EDA: variants seen among roughly 807,000 people sequenced by gnomAD.
EDA encodes ectodysplasin-A.
Under a neutral mutation model 23.6 loss-of-function variants are expected in EDA, and 2 were observed. The observed-to-expected ratio is 0.08, with a 90% CI of 0.03 to 0.27. EDA has a LOEUF of 0.27. Among genes scored for constraint, EDA ranks in the 10% least tolerant of loss-of-function variants. The pLI, the probability that EDA is intolerant of heterozygous loss-of-function variation, is 1.00. For missense variants in EDA, 229 were observed against 324.2 expected (o/e 0.71, Z 2.26); for synonymous variants, 131 against 132.0 (o/e 0.99, Z 0.05).
intron 1 of EDA, among the ~76,000 whole-genome samples, chrX:69,954,207 T>C (rs1294750215): frequency 9.0e-6 from 1 of 111,715 alleles, no homozygotes; most frequent in Non-Finnish European, 1.9e-5. Context: ...CTACCACTTA[T>C]TCTAAGCTAC....
chrX:69,935,755 T>C (rs2018663974), intron 1 of EDA, among the ~76,000 whole-genome samples: 1 of 110,158 alleles, frequency 9.1e-6, no homozygotes, highest in Non-Finnish European at 1.9e-5. Flanking sequence ...CTACACATGC[T>C]CTGGTCTGGT....
chrX:69,809,319 G>A (rs1001356766), intron 1 of EDA, among the ~76,000 whole-genome samples: 1 of 111,178 alleles, frequency 9.0e-6, no homozygotes, highest in Non-Finnish European at 1.9e-5. Flanking sequence ...GGCAGAAGGC[G>A]AAAGGGGAAG....
At chrX:69,767,419 A>G (rs2014501074) in intron 1 of EDA, among the ~76,000 whole-genome samples, 1 of 110,462 alleles carries the variant, frequency 9.1e-6, no homozygotes, top group East Asian at 2.8e-4. Context: ...TTTTTTTTCA[A>G]TACAGATTAG....
chrX:69,937,423 T>C, intron 1 of EDA: 1 of 750,634 alleles, frequency 1.3e-6, no homozygotes, highest in Middle Eastern at 2.8e-4. Context: ...CAGCTCTTCA[T>C]GAGGTACTTC....
intron 2 of EDA, among the ~76,000 whole-genome samples, chrX:69,974,982 G>A (rs1466924869): frequency 8.9e-6 from 1 of 112,103 alleles, no homozygotes; most frequent in Admixed American, 9.5e-5. Flanking sequence ...TAGTGAGGTT[G>A]TGGAGAAAAT....
chrX:69,847,543 T>C (rs1407340758), intron 1 of EDA, among the ~76,000 whole-genome samples: 1 of 111,724 alleles, frequency 9.0e-6, no homozygotes, highest in Non-Finnish European at 1.9e-5. Context: ...TATATGTAAG[T>C]GCATATATAC....
At chrX:69,619,673 G>A (rs1012561408) in intron 1 of EDA, among the ~76,000 whole-genome samples, 1 of 111,777 alleles carries the variant, frequency 8.9e-6, no homozygotes, top group African/African-American at 3.3e-5. Context: ...CTGGATAGTT[G>A]GTGGAGATTA....
At chrX:69,646,829 G>A (rs1027519787) in intron 1 of EDA, among the ~76,000 whole-genome samples, 1 of 112,028 alleles carries the variant, frequency 8.9e-6, no homozygotes, top group Admixed American at 9.5e-5. Flanking sequence ...GTAGTGGCCA[G>A]TAACAGTTTT....
chrX:70,029,864 A>T (rs745883872), intron 5 of EDA, among the ~76,000 whole-genome samples: 1 of 111,841 alleles, frequency 8.9e-6, no homozygotes, highest in South Asian at 3.8e-4. Context: ...CAACTCCCCA[A>T]CCACCCCAGA....
chrX:69,676,643 G>A (rs1256351719), intron 1 of EDA, among the ~76,000 whole-genome samples: 3 of 110,486 alleles, frequency 2.7e-5, no homozygotes, highest in Non-Finnish European at 5.7e-5. Context: ...GTTCAGTGGT[G>A]AATCAGATCT....
intron 1 of EDA, among the ~76,000 whole-genome samples, chrX:69,911,668 G>A (rs1246899547): frequency 4.5e-5 from 5 of 112,265 alleles, no homozygotes; most frequent in South Asian, 3.7e-4. Flanking sequence ...TGCCCAGTAA[G>A]TATAAAAGTT....
chrX:69,626,446 A>G (rs1569275670), intron 1 of EDA, among the ~76,000 whole-genome samples: 1 of 112,202 alleles, frequency 8.9e-6, no homozygotes, highest in Non-Finnish European at 1.9e-5. Flanking sequence ...ATTCTATACA[A>G]TGCAATATTT....
At chrX:69,643,008 C>G (rs905184013) in intron 1 of EDA, among the ~76,000 whole-genome samples, 1 of 111,124 alleles carries the variant, frequency 9.0e-6, no homozygotes, top group Non-Finnish European at 1.9e-5. Flanking sequence ...TATTTTCGAC[C>G]TTAGTAAAAA....
intron 1 of EDA, among the ~76,000 whole-genome samples, chrX:69,753,055 G>T (rs1238542714): frequency 1.8e-5 from 2 of 111,284 alleles, no homozygotes; most frequent in African/African-American, 6.5e-5. Flanking sequence ...TTTTTGAAGG[G>T]TTTTTTGTGT....
chrX:69,716,056 T>G (rs766575674), intron 1 of EDA, among the ~76,000 whole-genome samples: 1 of 112,253 alleles, frequency 8.9e-6, no homozygotes, highest in Non-Finnish European at 1.9e-5. Flanking sequence ...TCTTTTGCTG[T>G]ACAGAAGCTC....
At chrX:69,634,227 A>G (rs1486364456) in intron 1 of EDA, among the ~76,000 whole-genome samples, 2 of 112,248 alleles carry the variant, frequency 1.8e-5, no homozygotes, top group Non-Finnish European at 3.8e-5. Context: ...TTGAATTGCA[A>G]GAGTTCTTAA....
intron 1 of EDA, among the ~76,000 whole-genome samples, chrX:69,790,631 G>A (rs1204345585): frequency 1.8e-5 from 2 of 111,376 alleles, no homozygotes; most frequent in Admixed American, 1.9e-4. Context: ...ACTTTTGTTG[G>A]TGTTATTGTT....
At chrX:69,617,403 G>T in intron 1 of EDA, 1 of 137,852 alleles carries the variant, frequency 7.3e-6, no homozygotes, top group Non-Finnish European at 1.4e-5. Context: ...TCTTAAGCGG[G>T]GTAGGTGTGC....
intron 1 of EDA, among the ~76,000 whole-genome samples, chrX:69,889,021 T>TATATATATATATATATATATATA (rs58327577): frequency 1.4e-5 from 1 of 73,611 alleles, no homozygotes; most frequent in Non-Finnish European, 2.6e-5. Flanking sequence ...TATATATATA[T>TATATATATATATATATATATATA]TATGTTTTTC....
Sources: allele counts gnomAD v4.1 joint callset (sites outside exome capture counted in the v4.1 genomes callset), GRCh38; gene constraint gnomAD v4.1.1; transcripts MANE v1.5; gene names NCBI Gene and HGNC (gene_info 2026-07-23, HGNC 2026-07-21).